Variants in DPYD observed in about 807,000 individuals in gnomAD.
The protein encoded by DPYD is dihydropyrimidine dehydrogenase [NADP(+)].
DPYD carries 109 observed loss-of-function variants against 116.2 expected under a neutral mutation model. That is an observed-to-expected ratio of 0.94 (90% CI 0.80 to 1.10). The LOEUF (loss-of-function observed/expected upper bound fraction) is 1.10, where lower values mean the gene tolerates loss of function less well. DPYD is among the 50% of genes least tolerant of loss of function. The pLI is 0.00. For missense variants in DPYD, 1,302 were observed against 1,254.5 expected, an observed-to-expected ratio of 1.04 and a Z score of -0.57; for synonymous variants, 440 against 432.0, an observed-to-expected ratio of 1.02 and a Z score of -0.23.
chr1:97,358,531 C>T (rs916858860), intron 16 of DPYD, among the ~76,000 whole-genome samples: 5 of 152,202 alleles, frequency 3.3e-5, no homozygotes, highest in African/African-American at 1.2e-4. Flanking sequence ...TGTAGCCTAA[C>T]TGGGAGACAC....
intron 16 of DPYD, among the ~76,000 whole-genome samples, chr1:97,363,789 C>T (rs1377791871): frequency 6.6e-6 from 1 of 152,058 alleles, no homozygotes; most frequent in Non-Finnish European, 1.5e-5. Context: ...ACATCACACC[C>T]CAGGGCCTGT....
At chr1:97,317,511 C>A (rs1667930222) in intron 16 of DPYD, among the ~76,000 whole-genome samples, 1 of 151,992 alleles carries the variant, frequency 6.6e-6, no homozygotes, top group Non-Finnish European at 1.5e-5. Flanking sequence ...AGACTTCAAG[C>A]AGCTTGGCAT....
intron 14 of DPYD, among the ~76,000 whole-genome samples, chr1:97,424,955 A>T (rs569547905): frequency 2.0e-5 from 3 of 152,094 alleles, no homozygotes; most frequent in East Asian, 1.9e-4. Flanking sequence ...AGATCTGAAA[A>T]TTTTTTTGTG....
chr1:97,830,431 A>G (rs1009411537), intron 2 of DPYD, among the ~76,000 whole-genome samples: 1 of 152,134 alleles, frequency 6.6e-6, no homozygotes, highest in Non-Finnish European at 1.5e-5. Context: ...AAGAGACAGA[A>G]GCCTGGGCAG....
chr1:97,215,529 C>A (rs1477838533), intron 19 of DPYD, among the ~76,000 whole-genome samples: 1 of 152,066 alleles, frequency 6.6e-6, no homozygotes, highest in African/African-American at 2.4e-5. Flanking sequence ...ACCTCCCAGG[C>A]TATTCAAATT....
At chr1:97,298,506 G>T (rs1017771932) in intron 18 of DPYD, among the ~76,000 whole-genome samples, 1 of 152,078 alleles carries the variant, frequency 6.6e-6, no homozygotes, top group Admixed American at 6.6e-5. Flanking sequence ...ATCCATAAAA[G>T]ACTCATAAAT....
At chr1:97,506,492 A>G (rs1647339193) in intron 13 of DPYD, among the ~76,000 whole-genome samples, 1 of 151,966 alleles carries the variant, frequency 6.6e-6, no homozygotes, top group Non-Finnish European at 1.5e-5. Flanking sequence ...ATTTCCATTA[A>G]CCATAATTAT....
intron 12 of DPYD, among the ~76,000 whole-genome samples, chr1:97,528,443 C>A (rs1236039426): frequency 6.6e-6 from 1 of 152,060 alleles, no homozygotes; most frequent in South Asian, 2.1e-4. Context: ...TTAATTGGCT[C>A]CATGGCATAA....
intron 18 of DPYD, 124 bp from the exon 19 acceptor site, chr1:97,235,118 T>G: frequency 3.7e-6 from 4 of 1,095,144 alleles, no homozygotes; most frequent in Non-Finnish European, 4.1e-6. Flanking sequence ...ACTTTATCTC[T>G]GTTTAAGATG....
intron 18 of DPYD, among the ~76,000 whole-genome samples, chr1:97,272,584 C>T (rs1472384573): frequency 6.6e-6 from 1 of 152,062 alleles, no homozygotes; most frequent in South Asian, 2.1e-4. Flanking sequence ...TACATATATT[C>T]AATCATAAAA....
intron 14 of DPYD, among the ~76,000 whole-genome samples, chr1:97,425,015 A>C (rs1052426008): frequency 6.6e-6 from 1 of 152,090 alleles, no homozygotes; most frequent in African/African-American, 2.4e-5. Flanking sequence ...TTTCATATAA[A>C]TTTCACAGAC....
rs763396206 is a variant in DPYD at position 97,437,480 on chromosome 1, G to T, written c.1905+12579C>A. On this transcript the variant is annotated intron_variant, in intron 14 of 22. Coordinates refer to ENST00000370192, the MANE Select transcript of DPYD (RefSeq NM_000110.4). ...AATATGAGTTAGTCCCAGGTTTTTT[G>T]TTGTTGTTGTTGTTACAAATAAAAC... 7.3e-5 allele frequency among the ~76,000 whole-genome samples: 11 copies of T among 151,604 alleles called. No individual in the cohort carries two copies. In the South Asian group the frequency reaches 8.3e-4, roughly 11 times the overall value.
intron 12 of DPYD, among the ~76,000 whole-genome samples, chr1:97,537,103 G>T (rs1650058202): frequency 6.6e-6 from 1 of 152,156 alleles, no homozygotes; most frequent in Non-Finnish European, 1.5e-5. Flanking sequence ...GGGACTGAAG[G>T]TCTTCTAAGT....
intron 16 of DPYD, among the ~76,000 whole-genome samples, chr1:97,351,780 AT>A (rs1252257208): frequency 1.3e-5 from 2 of 152,134 alleles, no homozygotes; most frequent in African/African-American, 4.8e-5. Flanking sequence ...AGAAAAGAGA[AT>A]GTTTATAAAA....
intron 16 of DPYD, among the ~76,000 whole-genome samples, chr1:97,318,704 T>G (rs891000337): frequency 6.7e-6 from 1 of 150,034 alleles, no homozygotes; most frequent in South Asian, 2.1e-4. Context: ...TACCCAGGAA[T>G]TGAACTCAGC....
intron 2 of DPYD, among the ~76,000 whole-genome samples, chr1:97,865,657 G>A (rs1239400758): frequency 1.3e-5 from 2 of 151,900 alleles, no homozygotes; most frequent in South Asian, 2.1e-4. Context: ...GATCTCAAAT[G>A]AGCGTAAAGA....
At chr1:97,426,825 G>A (rs994161438) in intron 14 of DPYD, among the ~76,000 whole-genome samples, 1 of 152,114 alleles carries the variant, frequency 6.6e-6, no homozygotes, top group Admixed American at 6.6e-5. Context: ...AAAGGGAGGT[G>A]CTCTAGAAAA....
At chr1:97,203,793 CAAAAAA>C (rs56819543) in intron 19 of DPYD, among the ~76,000 whole-genome samples, 1 of 65,694 alleles carries the variant, frequency 1.5e-5, no homozygotes, top group African/African-American at 5.9e-5. Flanking sequence ...ATTCACATTC[CAAAAAA>C]AAAAAAAAAA....
chr1:97,381,188 G>C (rs968337749), intron 15 of DPYD, among the ~76,000 whole-genome samples: 2 of 151,364 alleles, frequency 1.3e-5, no homozygotes, highest in African/African-American at 4.9e-5. Context: ...AGAGTAATTA[G>C]AAGGTGATAT....
Sources: gnomAD v4.1 joint callset for allele counts (sites outside exome capture counted in the v4.1 genomes callset) on GRCh38, gnomAD v4.1.1 for gene constraint, MANE v1.5 for transcripts, NCBI Gene and HGNC (gene_info 2026-07-23, HGNC 2026-07-21) for gene names.